HS6ST3: variants seen among roughly 807,000 people sequenced by gnomAD.
HS6ST3 encodes heparan sulfate 6-O-sulfotransferase 3, also known as heparan-sulfate 6-O-sulfotransferase 3.
In HS6ST3, 12 loss-of-function variants were observed where a neutral mutation model predicts 36.7. The ratio of observed to expected loss-of-function variants is 0.33; its 90% CI spans 0.21 to 0.53. The LOEUF is 0.53. Ranked by LOEUF, HS6ST3 falls within the 20% of genes least tolerant of loss-of-function variation. The probability of loss-of-function intolerance (pLI) is 0.95; values close to 1 mark genes in which losing one functional copy is unlikely to be tolerated. For synonymous variants in HS6ST3, 240 were observed against 257.5 expected (o/e 0.93, Z 0.65); for missense variants, 584 against 640.9 (o/e 0.91, Z 0.96).
chr13:96,295,592 T>G (rs1257789015), intron 1 of HS6ST3, among the ~76,000 whole-genome samples: 1 of 152,122 alleles, frequency 6.6e-6, no homozygotes, highest in Non-Finnish European at 1.5e-5. Context: ...GCACTTTGAT[T>G]AACCTTTTAT....
intron 1 of HS6ST3, among the ~76,000 whole-genome samples, chr13:96,503,053 T>TCACTATGCTCA (rs2056011759): frequency 6.6e-6 from 1 of 152,164 alleles, no homozygotes. Flanking sequence ...TAAAAAGAGT[T>TCACTATGCTCA]TTTCTTCTTA....
chr13:96,407,844 G>T (rs1248614416), intron 1 of HS6ST3, among the ~76,000 whole-genome samples: 1 of 152,174 alleles, frequency 6.6e-6, no homozygotes, highest in Non-Finnish European at 1.5e-5. Context: ...AATAATACAA[G>T]TCTCAGAAGT....
intron 1 of HS6ST3, among the ~76,000 whole-genome samples, chr13:96,621,747 G>T (rs2056495963): frequency 6.6e-6 from 1 of 152,108 alleles, no homozygotes; most frequent in Non-Finnish European, 1.5e-5. Context: ...GTCTTGGTTT[G>T]TTTGATTTGC....
chr13:96,473,839 A>G (rs2055850891), intron 1 of HS6ST3, among the ~76,000 whole-genome samples: 1 of 152,220 alleles, frequency 6.6e-6, no homozygotes, highest in South Asian at 2.1e-4. Flanking sequence ...TTCATCAGAA[A>G]CCAGTGAGGA....
chr13:96,545,091 C>T (rs1011689832), intron 1 of HS6ST3, among the ~76,000 whole-genome samples: 3 of 152,096 alleles, frequency 2.0e-5, no homozygotes, highest in Non-Finnish European at 4.4e-5. Flanking sequence ...CTGTATAATG[C>T]TATCTAAGTC....
chr13:96,269,059 T>A (rs1927792), intron 1 of HS6ST3, among the ~76,000 whole-genome samples: 83,831 of 151,748 alleles, frequency 0.55, 24,089 homozygotes, highest in African/African-American at 0.69. Flanking sequence ...CTGTTATCTT[T>A]CTGTTCAGTG....
intron 1 of HS6ST3, among the ~76,000 whole-genome samples, chr13:96,278,295 A>G (rs1294298037): frequency 2.6e-5 from 4 of 152,278 alleles, no homozygotes; most frequent in Non-Finnish European, 4.4e-5. Flanking sequence ...TCTTTGAATC[A>G]TCATGTCCTT....
rs71213616 is a variant in HS6ST3, at chr13:96,431,225, A to AAAC, written c.707+339686_707+339688dup. On this transcript the variant is annotated intron_variant, in intron 1 of 1. Coordinates refer to ENST00000376705, the MANE Select transcript of HS6ST3 (RefSeq NM_153456.4). ...TCTCTAAAACAAAAAACAAACAAAC[A>AAAC]AACAACAACAACAACAACAACAACA... 2.6e-3 allele frequency among the ~76,000 whole-genome samples: 387 copies of AAAC among 150,434 alleles called. 2 individuals carry two copies. Among genetic ancestry groups the AAAC allele is most frequent in the South Asian group, 3.8e-3 (18 of 4,752 alleles).
At chr13:96,428,305 C>T (rs947001593) in intron 1 of HS6ST3, among the ~76,000 whole-genome samples, 7 of 152,202 alleles carry the variant, frequency 4.6e-5, no homozygotes, top group African/African-American at 9.6e-5. Context: ...TAGACCGCAC[C>T]ACTGCACTCC....
At chr13:96,667,000 TATCTTTCTCATGCTAAG>T (rs2056666208) in intron 1 of HS6ST3, among the ~76,000 whole-genome samples, 2 of 152,182 alleles carry the variant, frequency 1.3e-5, no homozygotes, top group Non-Finnish European at 1.5e-5. Context: ...GAATCAAAAA[TATCTTTCTCATGCTAAG>T]ATACAGTCTT....
chr13:96,177,991 T>G (rs1007055104), intron 1 of HS6ST3, among the ~76,000 whole-genome samples: 1 of 152,084 alleles, frequency 6.6e-6, no homozygotes, highest in African/African-American at 2.4e-5. Context: ...TGGGGAGGAC[T>G]GTGATTTAGG....
At chr13:96,540,240 A>G (rs575906935) in intron 1 of HS6ST3, among the ~76,000 whole-genome samples, 14 of 152,244 alleles carry the variant, frequency 9.2e-5, no homozygotes, top group Non-Finnish European at 1.6e-4. Context: ...ATTTCTGCCC[A>G]GTCACTTCCT....
At chr13:96,272,780 TACC>T (rs1309743195) in intron 1 of HS6ST3, among the ~76,000 whole-genome samples, 1 of 151,972 alleles carries the variant, frequency 6.6e-6, no homozygotes, top group Non-Finnish European at 1.5e-5. Context: ...TAGTAGGTCT[TACC>T]AGGTGAGTGA....
intron 1 of HS6ST3, among the ~76,000 whole-genome samples, chr13:96,299,487 G>A (rs1358608413): frequency 1.3e-5 from 2 of 152,120 alleles, no homozygotes; most frequent in Non-Finnish European, 2.9e-5. Flanking sequence ...AGAGAAAACG[G>A]CCACCAGATG....
At chr13:96,492,100 T>C (rs1025805879) in intron 1 of HS6ST3, among the ~76,000 whole-genome samples, 7 of 152,150 alleles carry the variant, frequency 4.6e-5, no homozygotes, top group Admixed American at 4.6e-4. Flanking sequence ...GCCTGTGGAT[T>C]GATTGTAGGT....
In HS6ST3 at chr13:96,693,282, T is replaced by C. The variant is rs934377965; in HGVS notation, c.708-139208T>C. 2.0e-5 allele frequency among the ~76,000 whole-genome samples: 3 copies of C among 152,162 alleles called. No homozygotes were observed. In the East Asian group the frequency reaches 5.8e-4, roughly 29 times the overall value. On this transcript the variant is annotated intron_variant, in intron 1 of 1. Coordinates refer to ENST00000376705, the MANE Select transcript of HS6ST3 (RefSeq NM_153456.4). ...TAGAAATAACTTTGCTATGGAATTA[T>C]TTTTTGATTTGGCCAGATTATTATT...
chr13:96,272,974 A>T (rs1594739450), intron 1 of HS6ST3, among the ~76,000 whole-genome samples: 1 of 152,148 alleles, frequency 6.6e-6, no homozygotes, highest in African/African-American at 2.4e-5. Context: ...ACAAACAAGG[A>T]TACAATGAAT....
intron 1 of HS6ST3, among the ~76,000 whole-genome samples, chr13:96,809,861 C>T (rs1026068263): frequency 1.4e-4 from 21 of 152,310 alleles, no homozygotes; most frequent in South Asian, 2.1e-4. Flanking sequence ...TGACACCTTC[C>T]TCCCTGAGGC....
intron 1 of HS6ST3, among the ~76,000 whole-genome samples, chr13:96,219,642 G>A (rs2054445233): frequency 1.3e-5 from 2 of 152,092 alleles, no homozygotes; most frequent in South Asian, 4.2e-4. Context: ...GTGGACGATG[G>A]AGCAACATAG....
Sources: allele counts gnomAD v4.1 joint callset (sites outside exome capture counted in the v4.1 genomes callset), GRCh38; gene constraint gnomAD v4.1.1; transcripts MANE v1.5; gene names NCBI Gene and HGNC (gene_info 2026-07-23, HGNC 2026-07-21).